The following PLCL1 variants were observed in gnomAD, a reference collection of about 807,000 sequenced individuals.
The protein encoded by PLCL1 is phospholipase C like 1 (inactive).
In PLCL1, 41 loss-of-function variants were observed where a neutral mutation model predicts 84.4. The observed-to-expected ratio is 0.49, with a 90% CI of 0.38 to 0.63. The LOEUF is 0.63. Among genes scored for constraint, PLCL1 ranks in the 30% least tolerant of loss-of-function variants. The probability of loss-of-function intolerance (pLI) is 0.00; values close to 1 mark genes in which losing one functional copy is unlikely to be tolerated. For synonymous variants in PLCL1, 490 were observed against 488.3 expected (o/e 1.00, Z -0.05); for missense variants, 1,206 against 1,367.8 (o/e 0.88, Z 1.87).
At chr2:197,840,367 TGA>T (rs1293258866) in intron 1 of PLCL1, among the ~76,000 whole-genome samples, 4 of 152,152 alleles carry the variant, frequency 2.6e-5, no homozygotes, top group Admixed American at 2.6e-4. Context: ...TGCCTCTCGG[TGA>T]GAAAATAATT....
At chr2:198,015,746 G>A (rs185654502) in intron 1 of PLCL1, among the ~76,000 whole-genome samples, 69 of 152,198 alleles carry the variant, frequency 4.5e-4, no homozygotes, top group African/African-American at 1.6e-3. Flanking sequence ...GGGTGGTCAC[G>A]GTGGTGGTAA....
intron 1 of PLCL1, among the ~76,000 whole-genome samples, chr2:197,843,226 A>T (rs700680): frequency 0.73 from 110,698 of 152,062 alleles, 41,380 homozygotes; most frequent in African/African-American, 0.9. Flanking sequence ...ACTAGTAATG[A>T]CCATCATGGG....
chr2:197,959,540 A>C (rs1479043420), intron 1 of PLCL1, among the ~76,000 whole-genome samples: 1 of 152,066 alleles, frequency 6.6e-6, no homozygotes, highest in Non-Finnish European at 1.5e-5. Context: ...GAAGATCACC[A>C]GGGATTGGGC....
chr2:197,935,891 A>G (rs1649877848), intron 1 of PLCL1, among the ~76,000 whole-genome samples: 1 of 152,152 alleles, frequency 6.6e-6, no homozygotes, highest in Non-Finnish European at 1.5e-5. Flanking sequence ...CCCCTTGACC[A>G]ACATCTCCCA....
At chr2:197,825,241 C>A (rs1408835027) in intron 1 of PLCL1, among the ~76,000 whole-genome samples, 2 of 152,146 alleles carry the variant, frequency 1.3e-5, no homozygotes, top group Admixed American at 1.3e-4. Flanking sequence ...AATCTTTGTG[C>A]AAGCCAATCA....
chr2:198,095,851 T>C (rs145214245), intron 3 of PLCL1, among the ~76,000 whole-genome samples: 27 of 152,336 alleles, frequency 1.8e-4, no homozygotes, highest in African/African-American at 5.8e-4. Context: ...TTCTACGTTT[T>C]ATTCTGTGTA....
chr2:197,941,114 T>A (rs11887138), intron 1 of PLCL1, among the ~76,000 whole-genome samples: 109,361 of 152,016 alleles, frequency 0.72, 40,269 homozygotes, highest in African/African-American at 0.87. Context: ...AAACTAGACA[T>A]CTATACCAAT....
intron 1 of PLCL1, among the ~76,000 whole-genome samples, chr2:197,919,841 T>C (rs1337922779): frequency 6.6e-6 from 1 of 152,196 alleles, no homozygotes; most frequent in Non-Finnish European, 1.5e-5. Flanking sequence ...CCTTGAAGCA[T>C]GAATGAGAAA....
intron 1 of PLCL1, among the ~76,000 whole-genome samples, chr2:197,938,983 T>A (rs1043999790): frequency 6.6e-6 from 1 of 152,166 alleles, no homozygotes; most frequent in Non-Finnish European, 1.5e-5. Context: ...ATCCTGTTTG[T>A]AAGTTGTGAA....
chr2:197,841,515 G>A (rs975815235), intron 1 of PLCL1, among the ~76,000 whole-genome samples: 1 of 152,170 alleles, frequency 6.6e-6, no homozygotes. Flanking sequence ...TGCATTTAAA[G>A]TTCCTCCATG....
At chr2:197,947,191 A>G (rs1297521385) in intron 1 of PLCL1, among the ~76,000 whole-genome samples, 2 of 151,182 alleles carry the variant, frequency 1.3e-5, no homozygotes, top group Non-Finnish European at 2.9e-5. Context: ...GCTATGAAAA[A>G]GATGAAATCA....
intron 1 of PLCL1, among the ~76,000 whole-genome samples, chr2:197,971,116 T>G (rs1382688839): frequency 6.6e-6 from 1 of 152,230 alleles, no homozygotes; most frequent in African/African-American, 2.4e-5. Context: ...AAGTCCCTGT[T>G]TGTTCAGTCA....
At chr2:197,878,754 G>A (rs1386807555) in intron 1 of PLCL1, among the ~76,000 whole-genome samples, 1 of 152,076 alleles carries the variant, frequency 6.6e-6, no homozygotes, top group Non-Finnish European at 1.5e-5. Context: ...GTTTGACTAG[G>A]CTCTCACAGT....
chr2:197,873,836 G>A (rs1485292975), intron 1 of PLCL1, among the ~76,000 whole-genome samples: 1 of 152,114 alleles, frequency 6.6e-6, no homozygotes, highest in Non-Finnish European at 1.5e-5. Flanking sequence ...AAATTGCGAT[G>A]CAAAATATTT....
chr2:198,131,715 G>C (rs1400183215), intron 5 of PLCL1, among the ~76,000 whole-genome samples: 2 of 152,152 alleles, frequency 1.3e-5, no homozygotes, highest in African/African-American at 2.4e-5. Flanking sequence ...GAAAGCCTTA[G>C]CCAGGACATG....
chr2:197,965,242 G>T (rs1222678967), intron 1 of PLCL1, among the ~76,000 whole-genome samples: 2 of 152,024 alleles, frequency 1.3e-5, no homozygotes, highest in African/African-American at 4.8e-5. Flanking sequence ...TTGTTTACTT[G>T]TTACTAATCT....
At chr2:197,854,323 T>A (rs1429303331) in intron 1 of PLCL1, among the ~76,000 whole-genome samples, 1 of 152,218 alleles carries the variant, frequency 6.6e-6, no homozygotes, top group African/African-American at 2.4e-5. Flanking sequence ...AATTCAAACA[T>A]AAATCTAAAC....
chr2:197,899,320 A>G (rs1204891053), intron 1 of PLCL1, among the ~76,000 whole-genome samples: 9 of 152,060 alleles, frequency 5.9e-5, no homozygotes, highest in Non-Finnish European at 1.0e-4. Flanking sequence ...ATGAATTACT[A>G]TCACACAAAG....
intron 1 of PLCL1, among the ~76,000 whole-genome samples, chr2:198,035,544 G>A (rs1245258519): frequency 6.6e-6 from 1 of 152,028 alleles, no homozygotes; most frequent in African/African-American, 2.4e-5. Flanking sequence ...AGAATGATGG[G>A]GACATGTCAA....
Sources: gnomAD v4.1 joint callset for allele counts (sites outside exome capture counted in the v4.1 genomes callset) on GRCh38, gnomAD v4.1.1 for gene constraint, MANE v1.5 for transcripts, NCBI Gene and HGNC (gene_info 2026-07-23, HGNC 2026-07-21) for gene names.